The following CIMAP1D variants were observed in gnomAD, a reference collection of about 807,000 sequenced individuals.
The protein encoded by CIMAP1D is protein CIMAP1D.
chr19:475,565 C>T, the CIMAP1D span, among the ~76,000 whole-genome samples: 1 of 152,038 alleles, frequency 6.6e-6, no homozygotes, highest in African/African-American at 2.4e-5. Flanking sequence ...GTGCAGAGGC[C>T]CTGGGGCAGC....
chr19:480,518 AAGGATGATGGG>A, the CIMAP1D span, among the ~76,000 whole-genome samples: 1 of 123,418 alleles, frequency 8.1e-6, no homozygotes, highest in Admixed American at 7.5e-5. Context: ...GATGATGGGG[AAGGATGATGGG>A]GAAGGATGAT....
At chr19:464,329 G>T in the CIMAP1D span, 14 of 1,541,772 alleles carry the variant, frequency 9.1e-6, no homozygotes, top group Non-Finnish European at 1.2e-5. Flanking sequence ...ACCTTCTCTG[G>T]GCTGTAGGCC....
the CIMAP1D span, among the ~76,000 whole-genome samples, chr19:466,031 T>G: frequency 8.6e-6 from 1 of 115,630 alleles, no homozygotes; most frequent in African/African-American, 4.0e-5. Flanking sequence ...GATAGATGGA[T>G]GGGTGGGTGG....
At chr19:485,272 G>A in the CIMAP1D span, among the ~76,000 whole-genome samples, 7 of 152,204 alleles carry the variant, frequency 4.6e-5, no homozygotes, top group South Asian at 2.1e-4. Flanking sequence ...ACAGGCAGGC[G>A]CGCACACACA....
chr19:488,462 C>T, the CIMAP1D span, among the ~76,000 whole-genome samples: 2 of 152,186 alleles, frequency 1.3e-5, no homozygotes, highest in African/African-American at 2.4e-5. Context: ...GCGGAGCTTG[C>T]GGTGAGCCGA....
At chr19:482,316 C>T in the CIMAP1D span, among the ~76,000 whole-genome samples, 12 of 152,156 alleles carry the variant, frequency 7.9e-5, no homozygotes, top group Non-Finnish European at 1.2e-4. Flanking sequence ...GACCTGTGGA[C>T]GCTGTGTCGG....
chr19:484,439 C>T, the CIMAP1D span, among the ~76,000 whole-genome samples: 1 of 152,176 alleles, frequency 6.6e-6, no homozygotes, highest in African/African-American at 2.4e-5. Flanking sequence ...CCGCGCCTGG[C>T]CTCTTGTTTT....
chr19:467,439 T>A, the CIMAP1D span, among the ~76,000 whole-genome samples: 1 of 152,086 alleles, frequency 6.6e-6, no homozygotes, highest in South Asian at 2.1e-4. Flanking sequence ...AGGGCCTCTG[T>A]CATCCTGACC....
At chr19:483,989 C>G in the CIMAP1D span, among the ~76,000 whole-genome samples, 1 of 152,166 alleles carries the variant, frequency 6.6e-6, no homozygotes, top group Non-Finnish European at 1.5e-5. Flanking sequence ...GTCCATCACT[C>G]ACTTCTGTTG....
chr19:490,384 A>C, the CIMAP1D span: 1 of 168,806 alleles, frequency 5.9e-6, no homozygotes, highest in Non-Finnish European at 1.2e-5. Context: ...GAAACGTAAA[A>C]CAAAGATGTA....
At chr19:473,025 C>T in the CIMAP1D span, among the ~76,000 whole-genome samples, 2 of 106,990 alleles carry the variant, frequency 1.9e-5, no homozygotes, top group African/African-American at 6.2e-5. Flanking sequence ...GATACATGGT[C>T]ACAGATGGGG....
the CIMAP1D span, among the ~76,000 whole-genome samples, chr19:484,389 C>A: frequency 1.3e-5 from 2 of 152,114 alleles, no homozygotes; most frequent in South Asian, 4.1e-4. Context: ...GATCCGCCCG[C>A]CTTGGCCTCC....
At chr19:488,962 G>A in the CIMAP1D span, among the ~76,000 whole-genome samples, 1 of 150,902 alleles carries the variant, frequency 6.6e-6, no homozygotes, top group Admixed American at 6.6e-5. Context: ...CGTCCGCGCC[G>A]CCCGCCCCAA....
At chr19:464,344 G>A in the CIMAP1D span, 4 of 1,543,532 alleles carry the variant, frequency 2.6e-6, no homozygotes, top group Non-Finnish European at 3.5e-6. Context: ...TAGGCCCCAG[G>A]GCCTGGCGTC....
the CIMAP1D span, among the ~76,000 whole-genome samples, chr19:471,768 A>C: frequency 7.3e-6 from 1 of 137,214 alleles, no homozygotes; most frequent in African/African-American, 2.7e-5. Flanking sequence ...TTAGAGACAG[A>C]GTCTCACTCT....
the CIMAP1D span, among the ~76,000 whole-genome samples, chr19:486,588 C>T: frequency 6.6e-6 from 1 of 151,638 alleles, no homozygotes; most frequent in Non-Finnish European, 1.5e-5. Flanking sequence ...TTACAGGCGC[C>T]CGTCACCACA....
the CIMAP1D span, among the ~76,000 whole-genome samples, chr19:477,892 G>A: frequency 5.3e-5 from 8 of 152,214 alleles, no homozygotes; most frequent in South Asian, 2.1e-4. Flanking sequence ...CCCCTTTGCC[G>A]CTCTACTCTG....
the CIMAP1D span, chr19:472,576 G>T: frequency 4.6e-6 from 5 of 1,081,256 alleles, no homozygotes; most frequent in Non-Finnish European, 6.4e-6. Context: ...CAGCTCCTGA[G>T]CCTTAGCCTG....
chr19:484,913 A>AG, the CIMAP1D span, among the ~76,000 whole-genome samples: 1 of 151,730 alleles, frequency 6.6e-6, no homozygotes, highest in Non-Finnish European at 1.5e-5. Flanking sequence ...GAATCGACTG[A>AG]GGGTAGGAAG....
Sources: gnomAD v4.1 joint callset for allele counts (sites outside exome capture counted in the v4.1 genomes callset) on GRCh38, gnomAD v4.1.1 for gene constraint, MANE v1.5 for transcripts, NCBI Gene and HGNC (gene_info 2026-07-23, HGNC 2026-07-21) for gene names.